The following TEK variants were observed in gnomAD, a reference collection of about 807,000 sequenced individuals.
The protein encoded by TEK is TEK receptor tyrosine kinase.
TEK carries 43 observed loss-of-function variants against 131.8 expected under a neutral mutation model. The observed-to-expected ratio is 0.33, with a 90% CI of 0.26 to 0.42. TEK has a LOEUF of 0.42. TEK is among the 10% of genes least tolerant of loss of function. The probability of loss-of-function intolerance (pLI) is 1.00; values close to 1 mark genes in which losing one functional copy is unlikely to be tolerated. For missense variants in TEK, 1,162 were observed against 1,384.4 expected (o/e 0.84, Z 2.55); for synonymous variants, 580 against 491.6 (o/e 1.18, Z -2.38).
intron 1 of TEK, among the ~76,000 whole-genome samples, chr9:27,124,613 A>T (rs1056222660): frequency 8.5e-5 from 13 of 152,218 alleles, no homozygotes; most frequent in Non-Finnish European, 1.6e-4. Flanking sequence ...GGAAGGATGG[A>T]GAGTTGGGGC....
In TEK at chr9:27,192,573, G is replaced by T. The variant is rs758481469; in HGVS notation, c.1574G>T (p.Gly525Val). 3.7e-6 allele frequency: 6 copies of T among 1,613,944 alleles called. No homozygotes were observed. In the Admixed American group the frequency reaches 1.0e-4, roughly 27 times the overall value. ...LCVQLVRRGE[G>V]GEGHPGPVRR... ...GTGCAACTGGTCCGTCGTGGAGAGG[G>T]TGGGGAAGGGCATCCTGGACCTGTG... Residue 525 changes from glycine to valine, a missense_variant, in exon 11 of 23, where the codon GGT (glycine) becomes GTT (valine). Gly to Val is a moderately radical substitution (Grantham distance 109). This residue lies in a region of TEK where 477 missense variants were observed against 471.0 expected (regional missense o/e 1.01). Coordinates refer to ENST00000380036, the MANE Select transcript of TEK (RefSeq NM_000459.5).
chr9:27,222,467 A>T (rs555373789), intron 21 of TEK, among the ~76,000 whole-genome samples: 35 of 152,226 alleles, frequency 2.3e-4, no homozygotes, highest in Admixed American at 2.1e-3. Context: ...CCAGAGAGAA[A>T]GGTCAGGTTA....
intron 6 of TEK, among the ~76,000 whole-genome samples, chr9:27,173,736 GGT>G (rs1564076205): frequency 3.8e-5 from 3 of 79,584 alleles, no homozygotes; most frequent in Non-Finnish European, 5.1e-5. Context: ...TTTTTTTTTT[GGT>G]TTTTTTTTTT....
chr9:27,118,222 T>C (rs1821642998), intron 1 of TEK, among the ~76,000 whole-genome samples: 2 of 152,192 alleles, frequency 1.3e-5, no homozygotes, highest in African/African-American at 4.8e-5. Context: ...TGCCTTTATG[T>C]GCCAAGTGTT....
intron 20 of TEK, 135 bp from the exon 21 acceptor site, chr9:27,219,914 G>A (rs2059013266): frequency 1.2e-6 from 1 of 867,226 alleles, no homozygotes; most frequent in Non-Finnish European, 2.0e-6. Context: ...AGTTTGCCAA[G>A]GGAGGCATGC....
At chr9:27,173,444 C>T in intron 6 of TEK, 82 bp downstream of exon 6, 7 of 1,568,218 alleles carry the variant, frequency 4.5e-6, no homozygotes, top group African/African-American at 1.3e-5. Flanking sequence ...ATCACAACAT[C>T]GGATATACCT....
rs144344476 is a variant in TEK, at chr9:27,214,902, T to C, written c.2991+1305T>C. Among the ~76,000 whole-genome samples, 279 of 152,280 alleles carry C rather than the reference T, an allele frequency of 1.8e-3. 2 individuals are homozygous for C. Among genetic ancestry groups the C allele is most frequent in the African/African-American group, 6.4e-3 (268 of 41,568 alleles). On this transcript the variant is annotated intron_variant, in intron 18 of 22. Transcript: ENST00000380036. ...CCTTTTCAGGCATACTCAAAGCAGA[T>C]GCTTCTCTGGAGCAGGGGTGGGCTT...
At chr9:27,195,348 T>C (rs1164951204) in intron 11 of TEK, among the ~76,000 whole-genome samples, 1 of 152,056 alleles carries the variant, frequency 6.6e-6, no homozygotes, top group Non-Finnish European at 1.5e-5. Context: ...TTCTCAACCT[T>C]TAAAAAAAAA....
chr9:27,141,378 G>T lies in TEK; in HGVS notation c.53-16453G>T, dbSNP rs527868688. ...TTTAACCTGTACTTCTCTATTTCTA[G>T]TATTAAATAGTGAAAGTATATTTTG... On this transcript the variant is annotated intron_variant, in intron 1 of 22. Transcript: ENST00000380036. Among the ~76,000 whole-genome samples the T allele has an allele frequency of 1.6e-4, 25 of 152,046 alleles. No individual in the cohort carries two copies. The South Asian group carries it at 4.8e-3, about 29-fold the overall frequency.
chr9:27,136,282 A>C (rs904174602), intron 1 of TEK, among the ~76,000 whole-genome samples: 2 of 152,020 alleles, frequency 1.3e-5, no homozygotes, highest in African/African-American at 4.8e-5. Flanking sequence ...AGGTTTCACC[A>C]TGTTGCCCAG....
Position 27,229,340 on chromosome 9 carries a change from T to C in TEK, c.*108T>C. On this transcript the variant is annotated 3_prime_UTR_variant, in exon 23 of 23. Coordinates refer to ENST00000380036, the MANE Select transcript of TEK (RefSeq NM_000459.5). ...AAAGGATGTGATATATAAGTGTACA[T>C]ATGTGCTGTACACCTGGGACCTTCA... 2 of 1,064,946 alleles carry C rather than the reference T, an allele frequency of 1.9e-6. No homozygotes were observed. Among genetic ancestry groups the C allele is most frequent in the South Asian group, 2.5e-5 (2 of 79,732 alleles). The allele number at this position is 1,064,946 out of a possible 1,614,324, so 66.0% of individuals were successfully genotyped here. A position where few individuals can be genotyped will look rare whatever the true frequency, so the allele number is the denominator to read the frequency against.
intron 21 of TEK, among the ~76,000 whole-genome samples, chr9:27,223,258 G>A (rs1211029760): frequency 6.6e-6 from 1 of 151,832 alleles, no homozygotes; most frequent in African/African-American, 2.4e-5. Context: ...CTTGAATTCA[G>A]CTCTGGACCA....
chr9:27,208,407 C>T (rs545737937), intron 15 of TEK, among the ~76,000 whole-genome samples: 8 of 152,148 alleles, frequency 5.3e-5, no homozygotes, highest in African/African-American at 1.7e-4. Context: ...TCAGTTTATG[C>T]ACCAACCAAT....
intron 1 of TEK, among the ~76,000 whole-genome samples, chr9:27,125,128 A>G (rs1300095044): frequency 1.3e-5 from 2 of 152,218 alleles, no homozygotes; most frequent in Non-Finnish European, 2.9e-5. Flanking sequence ...CAGAGTCAGC[A>G]GTGCTTTTCA....
rs75884841 is a variant in TEK at position 27,154,433 on chromosome 9, G to A, written c.53-3398G>A. ...AATGGGCCATAACACTTTTTTTTACGTTTAATTTTTATGTGTGAATAATAG... is the reference window on the plus strand; with the variant it reads ...AATGGGCCATAACACTTTTTTTTACATTTAATTTTTATGTGTGAATAATAG... On this transcript the variant is annotated intron_variant, in intron 1 of 22. Coordinates refer to ENST00000380036, the MANE Select transcript of TEK (RefSeq NM_000459.5). Among the ~76,000 whole-genome samples, 1,368 of 152,112 alleles carry A rather than the reference G, an allele frequency of 9.0e-3. 13 individuals are homozygous for A. The highest frequency in any genetic ancestry group is 0.017 in the Middle Eastern group (5 of 294).
At chr9:27,152,171 C>A (rs1429197893) in intron 1 of TEK, among the ~76,000 whole-genome samples, 3 of 152,180 alleles carry the variant, frequency 2.0e-5, no homozygotes, top group African/African-American at 7.2e-5. Flanking sequence ...TTCCAAAAAA[C>A]CATACAGTGA....
intron 14 of TEK, 24 bp downstream of exon 14, chr9:27,205,089 C>A (rs752722249): frequency 1.9e-5 from 30 of 1,613,524 alleles, no homozygotes; most frequent in African/African-American, 2.7e-5. Flanking sequence ...TTCCTACTAG[C>A]TAATAAGGGC....
chr9:27,129,466 A>C (rs932350742), intron 1 of TEK, among the ~76,000 whole-genome samples: 1 of 152,090 alleles, frequency 6.6e-6, no homozygotes, highest in Non-Finnish European at 1.5e-5. Context: ...TTGCACATAC[A>C]TCCCCATGCC....
intron 9 of TEK, among the ~76,000 whole-genome samples, chr9:27,186,552 G>A (rs1417259063): frequency 6.6e-6 from 1 of 152,186 alleles, no homozygotes; most frequent in Non-Finnish European, 1.5e-5. Context: ...CTGATCCACA[G>A]ATGTGAACCC....
Sources: allele counts gnomAD v4.1 joint callset (sites outside exome capture counted in the v4.1 genomes callset), GRCh38; gene constraint gnomAD v4.1.1; regional missense constraint gnomAD v4.1.1; transcripts MANE v1.5; gene names NCBI Gene and HGNC (gene_info 2026-07-23, HGNC 2026-07-21).